Variants in CTNND2 observed in about 807,000 individuals in gnomAD.
CTNND2 encodes the protein catenin delta 2.
A neutral mutation model predicts 144.4 loss-of-function variants in CTNND2; 22 were observed. The observed-to-expected ratio is 0.15, with a 90% CI of 0.11 to 0.22. CTNND2 has a LOEUF of 0.22. Among genes scored for constraint, CTNND2 ranks in the 10% least tolerant of loss-of-function variants. The pLI, the probability that CTNND2 is intolerant of heterozygous loss-of-function variation, is 1.00. For missense variants in CTNND2, 1,353 were observed against 1,618.8 expected, an observed-to-expected ratio of 0.84 and a Z score of 2.82; for synonymous variants, 751 against 695.6, an observed-to-expected ratio of 1.08 and a Z score of -1.25.
intron 2 of CTNND2, among the ~76,000 whole-genome samples, chr5:11,609,132 GT>G (rs1042593721): frequency 7.4e-4 from 113 of 152,202 alleles, no homozygotes; most frequent in African/African-American, 2.6e-3. Context: ...TTCACTCATA[GT>G]TTTTTTCTCC....
chr5:11,240,249 TCACACACCCAACACA>T (rs1348073606), intron 9 of CTNND2, among the ~76,000 whole-genome samples: 37 of 29,670 alleles, frequency 1.2e-3, no homozygotes, highest in Admixed American at 1.5e-3. Context: ...ACACACACAC[TCACACACCCAACACA>T]CACACACCCA....
intron 3 of CTNND2, among the ~76,000 whole-genome samples, chr5:11,446,997 A>T (rs1330294432): frequency 6.7e-6 from 1 of 149,544 alleles, no homozygotes; most frequent in Non-Finnish European, 1.5e-5. Flanking sequence ...AATGGCTCTA[A>T]CATACACACA....
chr5:11,190,995 C>A (rs1393143366), intron 11 of CTNND2, among the ~76,000 whole-genome samples: 7 of 152,198 alleles, frequency 4.6e-5, no homozygotes, highest in Admixed American at 4.6e-4. Context: ...TTCAAGAGAA[C>A]TGAGCCTTCC....
intron 9 of CTNND2, among the ~76,000 whole-genome samples, chr5:11,246,525 A>G (rs943264385): frequency 6.6e-6 from 1 of 150,874 alleles, no homozygotes; most frequent in Admixed American, 6.6e-5. Context: ...GAGGGGCAGG[A>G]CTCTCCCTCA....
chr5:11,129,256 A>ATT (rs1755280311), intron 12 of CTNND2, among the ~76,000 whole-genome samples: 3 of 69,538 alleles, frequency 4.3e-5, no homozygotes, highest in African/African-American at 1.5e-4. Context: ...ATTATATAAA[A>ATT]ATATAAATAT....
At chr5:11,203,430 GT>G (rs960957565) in intron 10 of CTNND2, among the ~76,000 whole-genome samples, 59 of 151,788 alleles carry the variant, frequency 3.9e-4, no homozygotes, top group African/African-American at 1.3e-3. Context: ...ATGCAAAATT[GT>G]TTTTGTTTTG....
chr5:11,355,887 C>A (rs1755820212), intron 8 of CTNND2, among the ~76,000 whole-genome samples: 1 of 152,062 alleles, frequency 6.6e-6, no homozygotes, highest in Non-Finnish European at 1.5e-5. Context: ...CATTTCTATA[C>A]ACTATCTGTA....
chr5:11,522,474 T>A (rs979152454), intron 3 of CTNND2, among the ~76,000 whole-genome samples: 1 of 152,204 alleles, frequency 6.6e-6, no homozygotes, highest in Non-Finnish European at 1.5e-5. Flanking sequence ...TCCCAAAGCA[T>A]TGCCGCAGAC....
chr5:10,981,197 T>G (rs1422054751), intron 21 of CTNND2, among the ~76,000 whole-genome samples: 1 of 152,222 alleles, frequency 6.6e-6, no homozygotes, highest in Non-Finnish European at 1.5e-5. Context: ...ATCTCTCCTG[T>G]GTTTCTAACA....
intron 11 of CTNND2, among the ~76,000 whole-genome samples, chr5:11,172,938 T>C (rs1760079885): frequency 6.6e-6 from 1 of 151,984 alleles, no homozygotes; most frequent in African/African-American, 2.4e-5. Flanking sequence ...AGGAAGAGAG[T>C]GGGACATAGG....
chr5:11,561,329 A>G (rs1288233009), intron 3 of CTNND2, among the ~76,000 whole-genome samples: 1 of 152,250 alleles, frequency 6.6e-6, no homozygotes, highest in East Asian at 1.9e-4. Flanking sequence ...AGAATCCAAC[A>G]GCTTTTTGAT....
intron 1 of CTNND2, among the ~76,000 whole-genome samples, chr5:11,778,313 G>A (rs1790362815): frequency 6.6e-6 from 1 of 152,016 alleles, no homozygotes; most frequent in East Asian, 1.9e-4. Context: ...GCTGGGCGGG[G>A]CAGGGGGGCA....
At chr5:11,140,323 C>A (rs1034098056) in intron 12 of CTNND2, among the ~76,000 whole-genome samples, 11 of 152,172 alleles carry the variant, frequency 7.2e-5, no homozygotes, top group Non-Finnish European at 1.0e-4. Flanking sequence ...CCTCAAAGTA[C>A]TCCTAGGCTC....
intron 12 of CTNND2, among the ~76,000 whole-genome samples, chr5:11,156,288 G>T (rs1316643143): frequency 6.6e-6 from 1 of 152,074 alleles, no homozygotes. Context: ...AAAATGAAAA[G>T]GTGACCTCTT....
At chr5:11,760,497 T>C (rs541688160) in intron 1 of CTNND2, among the ~76,000 whole-genome samples, 54 of 152,326 alleles carry the variant, frequency 3.5e-4, no homozygotes, top group Non-Finnish European at 7.2e-4. Flanking sequence ...ATTTTATGAA[T>C]ACTTGTTGAA....
intron 10 of CTNND2, among the ~76,000 whole-genome samples, chr5:11,208,699 G>A (rs1435620317): frequency 1.3e-5 from 2 of 151,992 alleles, no homozygotes; most frequent in Non-Finnish European, 2.9e-5. Context: ...AGCACTAGGG[G>A]GATCTACAAA....
intron 16 of CTNND2, among the ~76,000 whole-genome samples, chr5:11,026,015 AG>A (rs1363936801): frequency 6.6e-6 from 1 of 152,208 alleles, no homozygotes; most frequent in Non-Finnish European, 1.5e-5. Context: ...CACACCATCA[AG>A]GTGGTCAAAT....
At chr5:11,176,474 G>A (rs1245411643) in intron 11 of CTNND2, among the ~76,000 whole-genome samples, 1 of 152,112 alleles carries the variant, frequency 6.6e-6, no homozygotes, top group Non-Finnish European at 1.5e-5. Flanking sequence ...TCTGTTGCTA[G>A]TCTAAGGATG....
At chr5:11,004,784 A>G (rs975480505) in intron 18 of CTNND2, among the ~76,000 whole-genome samples, 6 of 152,096 alleles carry the variant, frequency 3.9e-5, no homozygotes, top group African/African-American at 9.6e-5. Context: ...AAAAAAAAAA[A>G]AAAAAAGAAA....
Sources: allele counts gnomAD v4.1 joint callset (sites outside exome capture counted in the v4.1 genomes callset), GRCh38; gene constraint gnomAD v4.1.1; transcripts MANE v1.5; gene names NCBI Gene and HGNC (gene_info 2026-07-23, HGNC 2026-07-21).